The following ADGRB3 variants were observed in gnomAD, a reference collection of about 807,000 sequenced individuals.
ADGRB3 encodes the protein brain-specific angiogenesis inhibitor 3.
Under a neutral mutation model 193.4 loss-of-function variants are expected in ADGRB3, and 37 were observed. That is an observed-to-expected ratio of 0.19 (90% CI 0.15 to 0.25). ADGRB3 has a LOEUF of 0.25. Among genes scored for constraint, ADGRB3 ranks in the 10% least tolerant of loss-of-function variants. The pLI is 1.00. For synonymous variants in ADGRB3, 690 were observed against 644.2 expected, an observed-to-expected ratio of 1.07 and a Z score of -1.08; for missense variants, 1,637 against 1,852.9, an observed-to-expected ratio of 0.88 and a Z score of 2.14.
chr6:69,382,848 G>A lies in ADGRB3; in HGVS notation c.4293G>A (p.Arg1431=). ...TTTTGCAGAAGGTCATGCATACAAG[G>A]AAGAGGCATATGGAACTATTTCAAG... ...DLDFEKVMHT[R]KRHMELFQEL... is the part of the protein sequence containing the mutation. Residue 1431 remains arginine (R), a synonymous_variant, in exon 31 of 32, where the codon AGG becomes AGA. Transcript: ENST00000370598. 1.9e-6 allele frequency: 3 copies of A among 1,607,410 alleles called. No homozygotes were observed. In the South Asian group the frequency reaches 3.3e-5, roughly 18 times the overall value.
rs528050815 is a variant in ADGRB3, at chr6:69,256,934, G to T, written c.2814+17708G>T. On this transcript the variant is annotated intron_variant, in intron 20 of 31. Coordinates refer to ENST00000370598, the MANE Select transcript of ADGRB3 (RefSeq NM_001704.3). ...ATGAAGGTTGTTGAATTTTGTCAAA[G>T]ACCTTTTCTGCATCTATTGAGATAA... Among the ~76,000 whole-genome samples, 82 of 151,970 alleles carry T rather than the reference G, an allele frequency of 5.4e-4. No homozygotes were observed. In the South Asian group the frequency reaches 7.9e-3, roughly 15 times the overall value.
chr6:68,638,597 G>A (rs924171559), intron 2 of ADGRB3, 64 bp from the exon 3 acceptor site: 3 of 1,439,242 alleles, frequency 2.1e-6, no homozygotes, highest in Admixed American at 2.3e-5. Context: ...ATATTGAAAG[G>A]AGTTTATTTT....
chr6:68,745,759 A>G (rs964403131), intron 3 of ADGRB3, among the ~76,000 whole-genome samples: 5 of 151,940 alleles, frequency 3.3e-5, no homozygotes, highest in African/African-American at 9.7e-5. Flanking sequence ...ATGTGTATAT[A>G]TCCCCCCACA....
chr6:69,143,790 T>C (rs1390086749), intron 17 of ADGRB3, among the ~76,000 whole-genome samples: 1 of 152,190 alleles, frequency 6.6e-6, no homozygotes, highest in Non-Finnish European at 1.5e-5. Context: ...TATAGCTCCG[T>C]AGTATAATTT....
chr6:68,925,515 G>A (rs1767155459), intron 3 of ADGRB3, among the ~76,000 whole-genome samples: 1 of 151,916 alleles, frequency 6.6e-6, no homozygotes, highest in South Asian at 2.1e-4. Flanking sequence ...TCACCTGTCA[G>A]CAAATCATAT....
intron 3 of ADGRB3, among the ~76,000 whole-genome samples, chr6:68,867,036 GGA>G (rs1459399584): frequency 1.3e-5 from 2 of 152,182 alleles, no homozygotes; most frequent in Non-Finnish European, 2.9e-5. Flanking sequence ...TATTTTATGG[GGA>G]GAAATTCAAG....
intron 3 of ADGRB3, among the ~76,000 whole-genome samples, chr6:68,728,268 T>C (rs1373130517): frequency 1.3e-5 from 2 of 150,958 alleles, no homozygotes; most frequent in African/African-American, 2.4e-5. Flanking sequence ...CCCAAAGCTA[T>C]ACTTTCCAGT....
intron 15 of ADGRB3, among the ~76,000 whole-genome samples, chr6:69,061,821 A>G (rs1582431636): frequency 6.6e-6 from 1 of 152,256 alleles, no homozygotes; most frequent in African/African-American, 2.4e-5. Flanking sequence ...ATGGAAGGGT[A>G]GGGGATGAAA....
chr6:68,643,733 A>G (rs557845116), intron 3 of ADGRB3, among the ~76,000 whole-genome samples: 235 of 151,770 alleles, frequency 1.5e-3, no homozygotes, highest in Non-Finnish European at 2.3e-3. Flanking sequence ...GGACTTCAAG[A>G]CCAGCCTGGC....
chr6:68,832,639 G>T (rs1767977199), intron 3 of ADGRB3, among the ~76,000 whole-genome samples: 1 of 151,990 alleles, frequency 6.6e-6, no homozygotes, highest in African/African-American at 2.4e-5. Context: ...TAGATTGGTT[G>T]GAGTATGATA....
intron 17 of ADGRB3, among the ~76,000 whole-genome samples, chr6:69,195,435 G>A (rs1765274918): frequency 2.0e-5 from 3 of 151,042 alleles, no homozygotes; most frequent in Non-Finnish European, 4.4e-5. Context: ...TGAGGTGGGA[G>A]GATCACTTGG....
chr6:69,352,239 C>T (rs1165094704), intron 26 of ADGRB3, among the ~76,000 whole-genome samples: 1 of 152,144 alleles, frequency 6.6e-6, no homozygotes, highest in African/African-American at 2.4e-5. Flanking sequence ...ACTTCTTAAT[C>T]TAAAAAGGAG....
intron 3 of ADGRB3, among the ~76,000 whole-genome samples, chr6:68,790,431 A>C (rs1767078076): frequency 6.6e-6 from 1 of 152,188 alleles, no homozygotes; most frequent in South Asian, 2.1e-4. Context: ...GACAGCTTTG[A>C]AGAGAGTGGT....
intron 30 of ADGRB3, among the ~76,000 whole-genome samples, chr6:69,379,053 G>C (rs575924904): frequency 6.6e-6 from 1 of 152,016 alleles, no homozygotes; most frequent in East Asian, 1.9e-4. Flanking sequence ...CTCAGGATGG[G>C]GATTCATATA....
At chr6:68,765,533 T>A (rs1009462124) in intron 3 of ADGRB3, among the ~76,000 whole-genome samples, 73 of 78,362 alleles carry the variant, frequency 9.3e-4, no homozygotes, top group African/African-American at 2.9e-3. Context: ...TATATATTCT[T>A]ATAGACACAC....
intron 3 of ADGRB3, among the ~76,000 whole-genome samples, chr6:68,664,053 T>C (rs1461301915): frequency 6.6e-6 from 1 of 151,752 alleles, no homozygotes; most frequent in African/African-American, 2.4e-5. Context: ...TTAAAATGAG[T>C]CGAATATGCT....
Position 68,974,881 on chromosome 6 carries a change from C to A in ADGRB3, c.1627+17C>A, listed in dbSNP as rs1768697270. 6.3e-7 allele frequency: 1 copy of A among 1,592,408 alleles called. No homozygotes were observed. The highest frequency in any genetic ancestry group is 8.6e-7 in the Non-Finnish European group (1 of 1,161,066). Reference sequence around the variant, plus strand: ...ATGCCACAGGTACAGTAGGATGACCCACCCAAACCCTAGTGATAATCCCCA... The same window carrying A: ...ATGCCACAGGTACAGTAGGATGACCAACCCAAACCCTAGTGATAATCCCCA... On this transcript the variant is annotated intron_variant, in intron 9 of 31. Coordinates refer to ENST00000370598, the MANE Select transcript of ADGRB3 (RefSeq NM_001704.3).
intron 17 of ADGRB3, among the ~76,000 whole-genome samples, chr6:69,106,853 T>C (rs1773228566): frequency 6.6e-6 from 1 of 152,218 alleles, no homozygotes; most frequent in Non-Finnish European, 1.5e-5. Flanking sequence ...GTAAACGTGC[T>C]TAGAGTCTTC....
At chr6:69,381,026 T>G (rs1769936378) in intron 30 of ADGRB3, among the ~76,000 whole-genome samples, 1 of 151,248 alleles carries the variant, frequency 6.6e-6, no homozygotes, top group African/African-American at 2.4e-5. Flanking sequence ...ACTACAATAG[T>G]TTTTTTTTAA....
Sources: allele counts gnomAD v4.1 joint callset (sites outside exome capture counted in the v4.1 genomes callset), GRCh38; gene constraint gnomAD v4.1.1; transcripts MANE v1.5; gene names NCBI Gene and HGNC (gene_info 2026-07-23, HGNC 2026-07-21).